The following NAV3 variants were observed in gnomAD, a reference collection of about 807,000 sequenced individuals.
NAV3 encodes pore membrane and/or filament interacting like protein 1.
In NAV3, 87 loss-of-function variants were observed where a neutral mutation model predicts 244.7. The ratio of observed to expected loss-of-function variants is 0.36; its 90% CI spans 0.30 to 0.42. The LOEUF (loss-of-function observed/expected upper bound fraction) is 0.42, where lower values mean the gene tolerates loss of function less well. NAV3 is among the 20% of genes least tolerant of loss of function. The pLI is 1.00. For missense variants in NAV3, 2,663 were observed against 2,893.3 expected (o/e 0.92, Z 1.83); for synonymous variants, 1,126 against 1,042.2 (o/e 1.08, Z -1.55).
chr12:77,632,551 A>C lies in NAV3; in HGVS notation c.72+60285A>C, dbSNP rs142507377. Among the ~76,000 whole-genome samples, 3 of 152,266 alleles carry C rather than the reference A, an allele frequency of 2.0e-5. No homozygotes were observed. In the East Asian group the frequency reaches 5.8e-4, roughly 29 times the overall value. ...GGGCAAAGACCCACCCCCATGATTC[A>C]TTTACCTCCCATTCGGTCCCTCCCA... On this transcript the variant is annotated intron_variant, in intron 2 of 8. Coordinates refer to the NAV3 transcript ENST00000550042.
chr12:78,162,735 A>C (rs1957596357), intron 23 of NAV3, among the ~76,000 whole-genome samples: 1 of 150,610 alleles, frequency 6.6e-6, no homozygotes, highest in Non-Finnish European at 1.5e-5. Context: ...GGTGGTGGGC[A>C]CCTGTAGTCC....
chr12:78,121,820 G>T (rs1322124967), intron 15 of NAV3, 120 bp from the exon 16 acceptor site: 1 of 1,246,682 alleles, frequency 8.0e-7, no homozygotes, highest in Non-Finnish European at 1.1e-6. Context: ...ATAGAGACAG[G>T]AAGTGCTTTG....
At chr12:77,643,426 TAAG>T (rs777989707) in intron 2 of NAV3, among the ~76,000 whole-genome samples, 33 of 151,822 alleles carry the variant, frequency 2.2e-4, no homozygotes, top group Middle Eastern at 5.2e-3. Context: ...TTCTCTGAAA[TAAG>T]AAGCTAAAAG....
chr12:78,127,247 G>A (rs1188281351), intron 17 of NAV3, 39 bp downstream of exon 17: 3 of 1,589,608 alleles, frequency 1.9e-6, no homozygotes, highest in Admixed American at 1.7e-5. Flanking sequence ...CCTCTCTGTT[G>A]TTATGTAAAC....
intron 2 of NAV3, among the ~76,000 whole-genome samples, chr12:77,659,824 A>T (rs1364838346): frequency 6.6e-6 from 1 of 152,144 alleles, no homozygotes; most frequent in Non-Finnish European, 1.5e-5. Context: ...CATGGATGAA[A>T]CTGGAAAGCA....
chr12:77,710,887 T>G (rs1311946025), intron 2 of NAV3, among the ~76,000 whole-genome samples: 3 of 152,332 alleles, frequency 2.0e-5, no homozygotes, highest in Non-Finnish European at 4.4e-5. Context: ...TTTTGGCAGC[T>G]ACTTTTTAAC....
rs1045357492 is a variant in NAV3, at chr12:77,862,940, A to G, written c.243+31236A>G. Reference sequence around the variant, plus strand: ...TTTTTTCACTCATCTTGAAAAAAAAATGGAATAAAGTGTTCCATTTCGTTA... The same window carrying G: ...TTTTTTCACTCATCTTGAAAAAAAAGTGGAATAAAGTGTTCCATTTCGTTA... On this transcript the variant is annotated intron_variant, in intron 1 of 39. Transcript: ENST00000397909. Among the ~76,000 whole-genome samples the G allele has an allele frequency of 3.3e-5, 5 of 151,846 alleles. No homozygotes were observed. The East Asian group carries it at 9.7e-4, about 29-fold the overall frequency.
intron 1 of NAV3, among the ~76,000 whole-genome samples, chr12:77,926,144 G>A (rs1888194018): frequency 6.6e-6 from 1 of 152,106 alleles, no homozygotes; most frequent in African/African-American, 2.4e-5. Context: ...AACACAGCAG[G>A]CAGAGTGTTC....
rs551461383 is a variant in NAV3, at chr12:77,874,219, T to G, written c.243+42515T>G. Among the ~76,000 whole-genome samples the G allele has an allele frequency of 3.9e-5, 6 of 152,126 alleles. No individual in the cohort carries two copies. In the East Asian group the frequency reaches 7.8e-4, roughly 20 times the overall value. On this transcript the variant is annotated intron_variant, in intron 1 of 39. Coordinates refer to ENST00000397909, the MANE Select transcript of NAV3 (RefSeq NM_001024383.2). ...GTGTTGGTATTCTTTCTATTTATTT[T>G]TATTTATTTGTTTATTTTGAGATGA... is the stretch of plus-strand genomic sequence containing the variant.
chr12:78,210,425 G>A lies in NAV3; in HGVS notation c.7066G>A (p.Ala2356Thr), dbSNP rs775779538. 1.9e-6 allele frequency: 3 copies of A among 1,613,518 alleles called. No individual in the cohort carries two copies. Among genetic ancestry groups the A allele is most frequent in the African/African-American group, 2.7e-5 (2 of 74,876 alleles). ...GAATATGCTAATGAAACTCCAAGAAGCAGCCAATTACTCGAGCACACAAAG... is the reference window on the plus strand; with the variant it reads ...GAATATGCTAATGAAACTCCAAGAAACAGCCAATTACTCGAGCACACAAAG... ...LMNMLMKLQEAANYSSTQSCD... is the reference protein window; with the variant it reads ...LMNMLMKLQETANYSSTQSCD... The change falls in exon 40 of 40, where the codon GCA becomes ACA. Residue 2356 changes from alanine to threonine, a missense_variant. Around this residue, in one of 6 missense-constraint regions of NAV3, gnomAD observed 543 missense variants for 672.4 expected, o/e 0.81. Transcript: ENST00000397909.
chr12:78,131,687 T>TA, intron 18 of NAV3, among the ~76,000 whole-genome samples: 1 of 152,308 alleles, frequency 6.6e-6, no homozygotes, highest in South Asian at 2.1e-4. Context: ...ACTCACCACT[T>TA]AACTATGTCT....
intron 30 of NAV3, among the ~76,000 whole-genome samples, chr12:78,182,398 T>G (rs2139760672): frequency 6.6e-6 from 1 of 152,158 alleles, no homozygotes; most frequent in South Asian, 2.1e-4. Context: ...ATCCTCAGGC[T>G]TGTCTCCTAG....
chr12:77,974,925 T>C (rs1868278081), intron 5 of NAV3, among the ~76,000 whole-genome samples: 1 of 152,232 alleles, frequency 6.6e-6, no homozygotes, highest in East Asian at 1.9e-4. Flanking sequence ...ATATCACATG[T>C]GTAATAAAAT....
intron 2 of NAV3, among the ~76,000 whole-genome samples, chr12:77,744,083 G>A (rs1331214048): frequency 6.6e-6 from 1 of 151,674 alleles, no homozygotes; most frequent in African/African-American, 2.4e-5. Flanking sequence ...AAAATTATTT[G>A]GAAATGCAAA....
At position 77,606,870 on chromosome 12, in the gene NAV3, G is replaced by A. The variant is rs149493546; in HGVS notation, c.72+34604G>A. ...TAGGAACAGTCTTGAAACCCACTTC[G>A]ATTGCATTCCTTTAGGTCATAAGCC... On this transcript the variant is annotated intron_variant, in intron 2 of 8. Transcript: ENST00000550042. Among the ~76,000 whole-genome samples the A allele has an allele frequency of 4.1e-3, 631 of 152,174 alleles. 6 individuals are homozygous for A. The highest frequency in any genetic ancestry group is 0.014 in the African/African-American group (597 of 41,544).
At chr12:77,633,026 T>C (rs1392453296) in intron 2 of NAV3, among the ~76,000 whole-genome samples, 1 of 152,146 alleles carries the variant, frequency 6.6e-6, no homozygotes, top group East Asian at 1.9e-4. Flanking sequence ...TAGGGGTTCA[T>C]ATTCAGAGAT....
Position 77,958,721 on chromosome 12 carries a change from T to C in NAV3, c.415-7508T>C, listed in dbSNP as rs115462056. On this transcript the variant is annotated intron_variant, in intron 3 of 39. Coordinates refer to ENST00000397909, the MANE Select transcript of NAV3 (RefSeq NM_001024383.2). ...TTTCATTACACAGCCAACATTTTTA[T>C]AGTTATCAAGCCATGCTTAAATTTA... 2.4e-3 allele frequency among the ~76,000 whole-genome samples: 363 copies of C among 152,266 alleles called. 1 individual carries two copies. Among genetic ancestry groups the C allele is most frequent in the African/African-American group, 8.2e-3 (342 of 41,554 alleles).
At chr12:77,594,462 T>C (rs1485188974) in intron 2 of NAV3, among the ~76,000 whole-genome samples, 1 of 152,208 alleles carries the variant, frequency 6.6e-6, no homozygotes, top group Non-Finnish European at 1.5e-5. Context: ...TACTGTACAC[T>C]AATTGATTTT....
At position 78,118,132 on chromosome 12, in the gene NAV3, G is replaced by C. The variant is rs768458532; in HGVS notation, c.2875G>C (p.Gly959Arg). 6.2e-7 allele frequency: 1 copy of C among 1,614,050 alleles called. No homozygotes were observed. Among genetic ancestry groups the C allele is most frequent in the African/African-American group, 1.3e-5 (1 of 75,008 alleles). Residue 959 changes from glycine (G) to arginine (R), a missense_variant, in exon 14 of 40, where the codon GGC becomes CGC. Around this residue, in one of 6 missense-constraint regions of NAV3, gnomAD observed 1,521 missense variants for 1,497.0 expected, o/e 1.02. Coordinates refer to ENST00000397909, the MANE Select transcript of NAV3 (RefSeq NM_001024383.2). ...EDFDSHGDAG[G>R]KWKTVSSGLP... ...TTTTGACAGCCATGGGGATGCTGGT[G>C]GCAAGTGGAAGACTGTGTCCTCTGG...
Sources: gnomAD v4.1 joint callset for allele counts (sites outside exome capture counted in the v4.1 genomes callset) on GRCh38, gnomAD v4.1.1 for gene constraint, gnomAD v4.1.1 regional missense constraint, MANE v1.5 for transcripts, NCBI Gene and HGNC (gene_info 2026-07-23, HGNC 2026-07-21) for gene names.